The following XRCC4 variants were observed in gnomAD, a reference collection of about 807,000 sequenced individuals.
XRCC4 encodes DNA repair protein XRCC4.
XRCC4 carries 28 observed loss-of-function variants against 39.1 expected under a neutral mutation model. The observed-to-expected ratio is 0.72, with a 90% CI of 0.53 to 0.98. XRCC4 has a LOEUF of 0.98. Ranked by LOEUF, XRCC4 falls within the 50% of genes least tolerant of loss-of-function variation. The pLI, the probability that XRCC4 is intolerant of heterozygous loss-of-function variation, is 0.00. For missense variants in XRCC4, 350 were observed against 376.4 expected (o/e 0.93, Z 0.58); for synonymous variants, 123 against 126.4 (o/e 0.97, Z 0.18).
chr5:83,293,293 A>G (rs183026095), intron 7 of XRCC4, among the ~76,000 whole-genome samples: 2 of 152,100 alleles, frequency 1.3e-5, no homozygotes, highest in Admixed American at 1.3e-4. Flanking sequence ...AAAGTCAGCA[A>G]CTAACTCCTA....
intron 3 of XRCC4, among the ~76,000 whole-genome samples, chr5:83,165,689 A>G (rs1043097542): frequency 6.6e-6 from 1 of 151,774 alleles, no homozygotes. Flanking sequence ...CCACGTGTCC[A>G]TGTGTTCTTA....
chr5:83,203,736 C>A (rs1751308121), intron 5 of XRCC4, 29 bp downstream of exon 5: 4 of 1,603,632 alleles, frequency 2.5e-6, no homozygotes, highest in African/African-American at 1.3e-5. Context: ...TTTTGGATGA[C>A]AGATGAATAC....
In XRCC4 at chr5:83,353,178, C is replaced by T; in HGVS notation, c.941C>T (p.Ala314Val). ...ACGTCTAAAAAGGAGCACATCTCAG[C>T]TGAAAACATGTCTTTAGAAACTCTG... ...PETSKKEHIS[A>V]ENMSLETLRN... Residue 314 changes from alanine (A) to valine (V), a missense_variant, in exon 8 of 8, where the codon GCT becomes GTT. Transcript: ENST00000396027. The T allele has an allele frequency of 2.5e-6, 4 of 1,612,672 alleles. No individual in the cohort carries two copies. Among genetic ancestry groups the T allele is most frequent in the African/African-American group, 2.7e-5 (2 of 74,956 alleles).
At chr5:83,313,081 CTTT>C (rs34133547) in intron 7 of XRCC4, among the ~76,000 whole-genome samples, 9 of 142,826 alleles carry the variant, frequency 6.3e-5, no homozygotes, top group Non-Finnish European at 9.1e-5. Flanking sequence ...TCTTTTCTTT[CTTT>C]TTTTTTTTTT....
chr5:83,222,733 G>A (rs1464939288), intron 6 of XRCC4, among the ~76,000 whole-genome samples: 1 of 151,638 alleles, frequency 6.6e-6, no homozygotes, highest in African/African-American at 2.4e-5. Flanking sequence ...TTTTGTTTTT[G>A]TTTTTGCTTT....
At chr5:83,373,400 T>C in the XRCC4 span, among the ~76,000 whole-genome samples, 60 of 152,300 alleles carry the variant, frequency 3.9e-4, no homozygotes, top group African/African-American at 1.4e-3. Context: ...GCTTGTTGAA[T>C]TAAATTGATT....
intron 3 of XRCC4, among the ~76,000 whole-genome samples, chr5:83,193,964 C>T (rs1049372267): frequency 1.2e-4 from 19 of 152,074 alleles, no homozygotes; most frequent in Non-Finnish European, 2.1e-4. Flanking sequence ...GACTGAGTCT[C>T]GCTGTATCGC....
chr5:83,205,250 C>T (rs561794625), intron 6 of XRCC4, among the ~76,000 whole-genome samples: 2 of 152,154 alleles, frequency 1.3e-5, no homozygotes, highest in Admixed American at 1.3e-4. Flanking sequence ...AGCTGGTTGC[C>T]TTTAACATTT....
At chr5:83,373,124 C>T in the XRCC4 span, among the ~76,000 whole-genome samples, 1 of 151,948 alleles carries the variant, frequency 6.6e-6, no homozygotes, top group African/African-American at 2.4e-5. Context: ...CACCTTCCTT[C>T]CACTTGCCTT....
intron 3 of XRCC4, among the ~76,000 whole-genome samples, chr5:83,158,780 A>G (rs1712194122): frequency 6.6e-6 from 1 of 152,178 alleles, no homozygotes; most frequent in Non-Finnish European, 1.5e-5. Flanking sequence ...TTAGTTATGA[A>G]ATAGATAGTA....
intron 6 of XRCC4, among the ~76,000 whole-genome samples, chr5:83,238,454 T>C (rs1320067656): frequency 6.6e-6 from 1 of 152,204 alleles, no homozygotes; most frequent in Non-Finnish European, 1.5e-5. Flanking sequence ...ATGACGCTGC[T>C]GTATTCTAAT....
intron 3 of XRCC4, among the ~76,000 whole-genome samples, chr5:83,150,315 A>G (rs1203980166): frequency 6.6e-6 from 1 of 152,168 alleles, no homozygotes; most frequent in Non-Finnish European, 1.5e-5. Context: ...CATTCGTAGC[A>G]GTGTCTCATA....
At chr5:83,273,893 TA>T (rs1303105692) in intron 7 of XRCC4, among the ~76,000 whole-genome samples, 2 of 152,080 alleles carry the variant, frequency 1.3e-5, no homozygotes, top group Non-Finnish European at 2.9e-5. Flanking sequence ...TTGTCTTGGC[TA>T]TATGGGCTCT....
chr5:83,249,945 T>C (rs1753246292), intron 6 of XRCC4, among the ~76,000 whole-genome samples: 1 of 152,168 alleles, frequency 6.6e-6, no homozygotes, highest in African/African-American at 2.4e-5. Flanking sequence ...AAATTTATCC[T>C]AGTTCAATGA....
chr5:83,135,718 TG>T (rs1228583015), intron 3 of XRCC4, among the ~76,000 whole-genome samples: 3 of 152,154 alleles, frequency 2.0e-5, no homozygotes, highest in African/African-American at 7.2e-5. Context: ...TCTAATGTGT[TG>T]TTTTTTTCAT....
chr5:83,211,518 A>G (rs1316666102), intron 6 of XRCC4, among the ~76,000 whole-genome samples: 1 of 152,182 alleles, frequency 6.6e-6, no homozygotes, highest in Non-Finnish European at 1.5e-5. Context: ...AGAGGGCCCA[A>G]GCTATTTTTA....
chr5:83,309,618 G>C (rs1176331893), intron 7 of XRCC4, among the ~76,000 whole-genome samples: 1 of 151,658 alleles, frequency 6.6e-6, no homozygotes, highest in African/African-American at 2.4e-5. Flanking sequence ...CAAAAAATTA[G>C]CCAGATGTGG....
chr5:83,263,055 T>C (rs1467849215), intron 7 of XRCC4, among the ~76,000 whole-genome samples: 1 of 141,212 alleles, frequency 7.1e-6, no homozygotes, highest in Non-Finnish European at 1.5e-5. Context: ...CCATGTGATC[T>C]CATTGTTCAA....
At chr5:83,215,697 C>T (rs934589860) in intron 6 of XRCC4, among the ~76,000 whole-genome samples, 1 of 152,192 alleles carries the variant, frequency 6.6e-6, no homozygotes, top group Middle Eastern at 3.2e-3. Context: ...TGGTCCTCAG[C>T]ACAGCTGCGA....
Sources: gnomAD v4.1 joint callset for allele counts (sites outside exome capture counted in the v4.1 genomes callset) on GRCh38, gnomAD v4.1.1 for gene constraint, MANE v1.5 for transcripts, NCBI Gene and HGNC (gene_info 2026-07-23, HGNC 2026-07-21) for gene names.